The following MICU3 variants were observed in gnomAD, a reference collection of about 807,000 sequenced individuals.
MICU3 encodes mitochondrial calcium uptake 3.
A neutral mutation model predicts 66.5 loss-of-function variants in MICU3; 62 were observed. The observed-to-expected ratio is 0.93, with a 90% CI of 0.76 to 1.15. The LOEUF is 1.15. Among genes scored for constraint, MICU3 ranks in the 50% most tolerant of loss-of-function variants. The probability of loss-of-function intolerance (pLI) is 0.00; values close to 1 mark genes in which losing one functional copy is unlikely to be tolerated. For synonymous variants in MICU3, 308 were observed against 240.7 expected, an observed-to-expected ratio of 1.28 and a Z score of -2.59; for missense variants, 779 against 664.4, an observed-to-expected ratio of 1.17 and a Z score of -1.90.
chr8:17,112,603 C>G (rs1472558194), intron 11 of MICU3, among the ~76,000 whole-genome samples: 1 of 152,232 alleles, frequency 6.6e-6, no homozygotes, highest in Non-Finnish European at 1.5e-5. Context: ...AATTTGACCT[C>G]TTTCCAAAAA....
chr8:17,107,118 G>A (rs1157796163), intron 11 of MICU3, among the ~76,000 whole-genome samples: 1 of 152,078 alleles, frequency 6.6e-6, no homozygotes, highest in East Asian at 1.9e-4. Flanking sequence ...GGCAACATAA[G>A]CAAAATCCTT....
intron 4 of MICU3, among the ~76,000 whole-genome samples, chr8:17,080,976 C>G (rs1821094895): frequency 6.6e-6 from 1 of 152,068 alleles, no homozygotes; most frequent in African/African-American, 2.4e-5. Flanking sequence ...AGTTGAAGCA[C>G]TAAATCTAGT....
intron 1 of MICU3, among the ~76,000 whole-genome samples, chr8:17,055,927 T>G (rs1816850760): frequency 6.6e-6 from 1 of 152,164 alleles, no homozygotes; most frequent in Admixed American, 6.5e-5. Context: ...AAAGGTGAAT[T>G]AACTGTCAGC....
intron 13 of MICU3, 25 bp downstream of exon 13, chr8:17,116,625 T>G: frequency 6.7e-7 from 1 of 1,490,654 alleles, no homozygotes; most frequent in South Asian, 1.3e-5. Context: ...TTTAAACCTA[T>G]TGATATCCTT....
intron 1 of MICU3, among the ~76,000 whole-genome samples, chr8:17,041,943 G>C (rs978036898): frequency 2.0e-5 from 3 of 152,090 alleles, no homozygotes; most frequent in African/African-American, 4.8e-5. Context: ...GAGGTTTGGG[G>C]GAAAGTGGAG....
chr8:17,096,996 T>TGTGTGTGTGTGA (rs769070513), intron 8 of MICU3, among the ~76,000 whole-genome samples: 1 of 141,142 alleles, frequency 7.1e-6, no homozygotes, highest in South Asian at 2.2e-4. Flanking sequence ...TGTGTGTGTG[T>TGTGTGTGTGTGA]GATTGTGGAC....
chr8:17,088,191 C>T (rs1425548587), intron 7 of MICU3, among the ~76,000 whole-genome samples: 1 of 151,884 alleles, frequency 6.6e-6, no homozygotes, highest in East Asian at 1.9e-4. Context: ...TGCTATAATT[C>T]TTAGTAGTCA....
At chr8:17,089,423 T>C (rs1248748319) in intron 7 of MICU3, among the ~76,000 whole-genome samples, 2 of 152,128 alleles carry the variant, frequency 1.3e-5, no homozygotes, top group African/African-American at 4.8e-5. Flanking sequence ...AAGTTTTTTT[T>C]AGTTATACTA....
Position 17,069,730 on chromosome 8 carries a change from G to T in MICU3, c.567+11G>T. On this transcript the variant is annotated intron_variant, in intron 3 of 14. Transcript: ENST00000318063. ...TCACTTTCCAAACAGGTGAGTTAAAGCTCTTGGTAGATATACACAAATTTT... is the reference window on the plus strand; with the variant it reads ...TCACTTTCCAAACAGGTGAGTTAAATCTCTTGGTAGATATACACAAATTTT... 1.3e-6 allele frequency: 2 copies of T among 1,499,396 alleles called. No homozygotes were observed. Among genetic ancestry groups the T allele is most frequent in the Admixed American group, 4.0e-5 (2 of 50,154 alleles). 92.9% of individuals were successfully genotyped at this position (1,499,396 alleles called of 1,614,324 possible).
At chr8:17,052,001 G>T (rs957201706) in intron 1 of MICU3, among the ~76,000 whole-genome samples, 1 of 152,122 alleles carries the variant, frequency 6.6e-6, no homozygotes, top group African/African-American at 2.4e-5. Context: ...GGCCAGGGCA[G>T]TATTGCTGAA....
the MICU3 span, among the ~76,000 whole-genome samples, chr8:17,136,940 T>C: frequency 2.6e-5 from 4 of 151,848 alleles, no homozygotes; most frequent in Admixed American, 2.0e-4. Context: ...GTTCAAGTGA[T>C]TCTCCTGCCT....
At chr8:17,131,908 T>C in the MICU3 span, 1 of 152,116 alleles carries the variant, frequency 6.6e-6, no homozygotes, top group Non-Finnish European at 1.5e-5. Context: ...TAAGAGGAAA[T>C]ACATCAATAA....
chr8:17,073,083 G>T (rs559029952), intron 3 of MICU3, among the ~76,000 whole-genome samples: 1 of 151,886 alleles, frequency 6.6e-6, no homozygotes, highest in South Asian at 2.1e-4. Context: ...TAGAGACAGG[G>T]TTTTGCTCTG....
At chr8:17,093,074 T>C (rs1280966093) in intron 8 of MICU3, among the ~76,000 whole-genome samples, 2 of 152,158 alleles carry the variant, frequency 1.3e-5, no homozygotes, top group East Asian at 3.9e-4. Flanking sequence ...CGTTATTTCC[T>C]GCTACAGTGT....
At position 17,077,884 on chromosome 8, in the gene MICU3, T is replaced by C. The variant is rs775308871; in HGVS notation, c.646+23T>C. 4.0e-6 allele frequency: 6 copies of C among 1,496,566 alleles called. No individual in the cohort carries two copies. The Admixed American group carries it at 8.6e-5, about 22-fold the overall frequency. 92.7% of individuals were successfully genotyped at this position (1,496,566 alleles called of 1,614,324 possible). ...AAGGTGAGTTAACCTTAGTACTTGT[T>C]CTTTTTTTAAACTATATTATGTATA... On this transcript the variant is annotated intron_variant, in intron 4 of 14. Coordinates refer to ENST00000318063, the MANE Select transcript of MICU3 (RefSeq NM_181723.3).
At chr8:17,098,582 T>C in intron 9 of MICU3, 29 bp downstream of exon 9, 1 of 1,393,204 alleles carries the variant, frequency 7.2e-7, no homozygotes. Flanking sequence ...AAGGTCCTTG[T>C]ACTATTTGCC....
chr8:17,095,205 G>A (rs1800538956), intron 8 of MICU3, among the ~76,000 whole-genome samples: 1 of 151,866 alleles, frequency 6.6e-6, no homozygotes, highest in South Asian at 2.1e-4. Context: ...TGTTTCTGCT[G>A]GCTCTCACTT....
intron 10 of MICU3, among the ~76,000 whole-genome samples, chr8:17,105,024 A>AG (rs1801621071): frequency 1.3e-5 from 2 of 151,208 alleles, no homozygotes; most frequent in Non-Finnish European, 3.0e-5. Context: ...AAAAAAAAAA[A>AG]TTCCAGATAT....
chr8:17,050,914 G>C (rs1815965344), intron 1 of MICU3, among the ~76,000 whole-genome samples: 1 of 152,038 alleles, frequency 6.6e-6, no homozygotes, highest in Non-Finnish European at 1.5e-5. Flanking sequence ...ATTTATTTTT[G>C]CTGTGTTATT....
Sources: gnomAD v4.1 joint callset for allele counts (sites outside exome capture counted in the v4.1 genomes callset) on GRCh38, gnomAD v4.1.1 for gene constraint, MANE v1.5 for transcripts, NCBI Gene and HGNC (gene_info 2026-07-23, HGNC 2026-07-21) for gene names.